WRN: variants seen among roughly 807,000 people sequenced by gnomAD.
WRN encodes the protein bifunctional 3'-5' exonuclease/ATP-dependent helicase WRN.
Under a neutral mutation model 180.7 loss-of-function variants are expected in WRN, and 149 were observed. That is an observed-to-expected ratio of 0.82 (90% CI 0.72 to 0.94). The LOEUF (loss-of-function observed/expected upper bound fraction) is 0.94. Among genes scored for constraint, WRN ranks in the 40% least tolerant of loss-of-function variants. The probability of loss-of-function intolerance (pLI) is 0.00; values close to 1 mark genes in which losing one functional copy is unlikely to be tolerated. For missense variants in WRN, 1,661 were observed against 1,700.1 expected, an observed-to-expected ratio of 0.98 and a Z score of 0.40; for synonymous variants, 548 against 568.9, an observed-to-expected ratio of 0.96 and a Z score of 0.52.
At chr8:31,149,202 C>T (rs1052532459) in intron 30 of WRN, among the ~76,000 whole-genome samples, 11 of 151,876 alleles carry the variant, frequency 7.2e-5, no homozygotes, top group Non-Finnish European at 1.6e-4. Flanking sequence ...TCGAGGCCAT[C>T]CTGGCTAACA....
intron 34 of WRN, among the ~76,000 whole-genome samples, chr8:31,167,643 A>G (rs1193787525): frequency 1.3e-5 from 2 of 152,102 alleles, no homozygotes; most frequent in Non-Finnish European, 2.9e-5. Context: ...TTAGTATGAT[A>G]TTGAATATCT....
intron 32 of WRN, among the ~76,000 whole-genome samples, chr8:31,155,078 A>T (rs1412264393): frequency 6.6e-6 from 1 of 152,184 alleles, no homozygotes; most frequent in Non-Finnish European, 1.5e-5. Context: ...ATAAATATTC[A>T]CAGTGTTAAG....
intron 18 of WRN, 129 bp downstream of exon 18, chr8:31,101,084 A>G: frequency 1.3e-6 from 1 of 783,882 alleles, no homozygotes; most frequent in Non-Finnish European, 2.1e-6. Flanking sequence ...AAAGAGAACT[A>G]TTTTTTTAAA....
At chr8:31,126,817 C>T (rs1801948329) in intron 23 of WRN, among the ~76,000 whole-genome samples, 1 of 151,914 alleles carries the variant, frequency 6.6e-6, no homozygotes, top group Non-Finnish European at 1.5e-5. Context: ...TAAAGATCAA[C>T]AAAATTGATA....
chr8:31,036,559 G>T (rs892531604), intron 1 of WRN, among the ~76,000 whole-genome samples: 6 of 152,106 alleles, frequency 3.9e-5, no homozygotes, highest in African/African-American at 9.7e-5. Flanking sequence ...CAGGTGTGAG[G>T]TGATATCTCA....
intron 32 of WRN, 109 bp from the exon 33 acceptor site, chr8:31,157,259 G>A (rs1803420384): frequency 6.7e-7 from 1 of 1,488,244 alleles, no homozygotes; most frequent in Non-Finnish European, 9.2e-7. Flanking sequence ...TTAGTTCATT[G>A]TTTATTTCAC....
At chr8:31,101,952 A>G (rs1800888188) in intron 18 of WRN, among the ~76,000 whole-genome samples, 1 of 152,082 alleles carries the variant, frequency 6.6e-6, no homozygotes, top group African/African-American at 2.4e-5. Context: ...ATACCTATAT[A>G]GAGGTCCTAT....
chr8:31,085,941 T>G lies in WRN; in HGVS notation c.1431+695T>G, dbSNP rs545141576. ...TAATCATCTTTACTTTCTTTGGTAT[T>G]ATTTACTATGGATATTTTATATTAT... On this transcript the variant is annotated intron_variant, in intron 11 of 34. Coordinates refer to ENST00000298139, the MANE Select transcript of WRN (RefSeq NM_000553.6). Among the ~76,000 whole-genome samples, 3 of 152,168 alleles carry G rather than the reference T, an allele frequency of 2.0e-5. No homozygotes were observed. The South Asian group carries it at 6.2e-4, about 32-fold the overall frequency.
At chr8:31,124,783 C>A in intron 22 of WRN, 125 bp from the exon 23 acceptor site, 2 of 1,203,200 alleles carry the variant, frequency 1.7e-6, no homozygotes, top group Non-Finnish European at 2.4e-6. Context: ...TCTGAGTAAA[C>A]TGAAGTCAAA....
In WRN at chr8:31,142,722, T is replaced by C. The variant is rs763380559; in HGVS notation, c.3309+21T>C. On this transcript the variant is annotated intron_variant, in intron 27 of 34. Transcript: ENST00000298139. The stretch of plus-strand genomic sequence containing the variant: ...AGAAGGTTTGTTTTAAAGAAATTGT[T>C]CTGATTTATTTCATTCTTTATTGAT... The C allele has an allele frequency of 1.0e-5, 16 of 1,560,962 alleles. No homozygotes were observed. The African/African-American group carries it at 1.4e-4, about 13-fold the overall frequency.
At chr8:31,092,876 AT>A (rs1813810200) in intron 16 of WRN, among the ~76,000 whole-genome samples, 1 of 151,978 alleles carries the variant, frequency 6.6e-6, no homozygotes, top group Admixed American at 6.6e-5. Context: ...GACTTCTTTC[AT>A]TTGCTGTAAT....
intron 30 of WRN, 64 bp from the exon 31 acceptor site, chr8:31,150,277 G>T: frequency 1.5e-6 from 2 of 1,307,444 alleles, no homozygotes. Flanking sequence ...TATATTGCTG[G>T]AGTGATACTG....
intron 7 of WRN, among the ~76,000 whole-genome samples, chr8:31,068,707 GGTAGCTAATAAACACTAAGTGATAAA>G (rs1812801652): frequency 6.6e-6 from 1 of 152,088 alleles, no homozygotes; most frequent in African/African-American, 2.4e-5. Flanking sequence ...TCCCCAAGAT[GGTAGCTAATAAACACTAAGTGATAAA>G]GTAGGTAAAG....
intron 1 of WRN, among the ~76,000 whole-genome samples, chr8:31,050,486 CTT>C (rs1001259250): frequency 1.5e-4 from 22 of 149,910 alleles, no homozygotes; most frequent in Non-Finnish European, 7.4e-5. Context: ...ACTGCCCTCT[CTT>C]TGTCTTCTAA....
At chr8:31,043,213 C>T (rs892723266) in intron 1 of WRN, among the ~76,000 whole-genome samples, 1 of 152,138 alleles carries the variant, frequency 6.6e-6, no homozygotes, top group South Asian at 2.1e-4. Context: ...TCAACCATGA[C>T]CACATCTAGC....
intron 30 of WRN, among the ~76,000 whole-genome samples, chr8:31,149,445 T>G (rs1339179560): frequency 7.1e-6 from 1 of 140,146 alleles, no homozygotes; most frequent in Non-Finnish European, 1.5e-5. Context: ...GACCATACTT[T>G]AATAGAGGTG....
At chr8:31,093,719 A>T (rs1585444760) in intron 16 of WRN, among the ~76,000 whole-genome samples, 1 of 152,208 alleles carries the variant, frequency 6.6e-6, no homozygotes, top group African/African-American at 2.4e-5. Flanking sequence ...CACAATCCAG[A>T]TAATGAACAT....
At position 31,088,981 on chromosome 8, in the gene WRN, T is replaced by C. The variant is rs748835706; in HGVS notation, c.1652+16T>C. 7 of 1,601,218 alleles carry C rather than the reference T, an allele frequency of 4.4e-6. No individual in the cohort carries two copies. On this transcript the variant is annotated intron_variant, in intron 13 of 34. Coordinates refer to ENST00000298139, the MANE Select transcript of WRN (RefSeq NM_000553.6). ...GTTTTAAACCGTGAGTATAATCTCA[T>C]TTAATCAAATCACATATTTAGTATT...
At chr8:31,054,787 G>T (rs1199407863) in intron 1 of WRN, among the ~76,000 whole-genome samples, 1 of 152,154 alleles carries the variant, frequency 6.6e-6, no homozygotes, top group Non-Finnish European at 1.5e-5. Flanking sequence ...GGACGTGCAG[G>T]TTTGCTACAT....
Sources: allele counts gnomAD v4.1 joint callset (sites outside exome capture counted in the v4.1 genomes callset), GRCh38; gene constraint gnomAD v4.1.1; transcripts MANE v1.5; gene names NCBI Gene and HGNC (gene_info 2026-07-23, HGNC 2026-07-21).